XG: variants seen among roughly 807,000 people sequenced by gnomAD.
XG encodes the protein glycoprotein Xg.
Under a neutral mutation model 25.7 loss-of-function variants are expected in XG, and 24 were observed. That is an observed-to-expected ratio of 0.93 (90% CI 0.68 to 1.31). The LOEUF is 1.31. Among genes scored for constraint, XG ranks in the 40% most tolerant of loss-of-function variants. The probability of loss-of-function intolerance (pLI) is 0.00; values close to 1 mark genes in which losing one functional copy is unlikely to be tolerated. For missense variants in XG, 181 were observed against 187.6 expected (o/e 0.96, Z 0.21); for synonymous variants, 77 against 69.2 (o/e 1.11, Z -0.56).
intron 1 of XG, among the ~76,000 whole-genome samples, chrX:2,763,490 G>A (rs903861000): frequency 6.6e-6 from 1 of 151,326 alleles, no homozygotes; most frequent in African/African-American, 2.4e-5. Context: ...TGGGAGGGGG[G>A]TGGAAGGGGG....
intron 2 of XG, among the ~76,000 whole-genome samples, chrX:2,771,329 C>T (rs1304427510): frequency 6.6e-6 from 1 of 152,178 alleles, no homozygotes; most frequent in Non-Finnish European, 1.5e-5. Context: ...CCAGAGCACA[C>T]TTCATTCCGT....
At chrX:2,802,393 G>C (rs1245410509) in intron 7 of XG, among the ~76,000 whole-genome samples, 2 of 111,294 alleles carry the variant, frequency 1.8e-5, no homozygotes, top group Admixed American at 9.6e-5. Flanking sequence ...CTGGCCTCAA[G>C]TGTTTCTCCG....
intron 2 of XG, among the ~76,000 whole-genome samples, chrX:2,772,004 G>T (rs2050829204): frequency 6.6e-6 from 1 of 152,154 alleles, no homozygotes; most frequent in Non-Finnish European, 1.5e-5. Context: ...GTGTGTGGTT[G>T]CAACCACTTT....
chrX:2,808,840 C>G (rs1385652539), intron 9 of XG, among the ~76,000 whole-genome samples: 1 of 111,657 alleles, frequency 9.0e-6, no homozygotes, highest in Non-Finnish European at 1.9e-5. Flanking sequence ...AAGGTGACCT[C>G]TACCTTTCAA....
At chrX:2,805,626 A>C (rs1042527789) in intron 7 of XG, among the ~76,000 whole-genome samples, 2 of 109,582 alleles carry the variant, frequency 1.8e-5, no homozygotes, top group Non-Finnish European at 3.8e-5. Flanking sequence ...GTCCAAGATC[A>C]AGGTGTGAGC....
chrX:2,801,743 C>T (rs935987837), intron 7 of XG, among the ~76,000 whole-genome samples: 1 of 110,768 alleles, frequency 9.0e-6, no homozygotes, highest in Non-Finnish European at 1.9e-5. Context: ...GAGTCTCGCT[C>T]TGTCGCCCAG....
At chrX:2,754,652 A>G (rs2050397746) in intron 1 of XG, among the ~76,000 whole-genome samples, 1 of 152,204 alleles carries the variant, frequency 6.6e-6, no homozygotes, top group South Asian at 2.1e-4. Context: ...AGGAGCAAGG[A>G]GAGCCAGTCC....
At chrX:2,755,803 C>T (rs2050421955) in intron 1 of XG, among the ~76,000 whole-genome samples, 1 of 152,076 alleles carries the variant, frequency 6.6e-6, no homozygotes, top group Non-Finnish European at 1.5e-5. Flanking sequence ...TGTTTCATCC[C>T]CAGCCATCAC....
intron 1 of XG, among the ~76,000 whole-genome samples, chrX:2,755,793 T>C (rs1374642103): frequency 6.6e-6 from 1 of 152,108 alleles, no homozygotes; most frequent in Non-Finnish European, 1.5e-5. Context: ...CAGACGACCC[T>C]GTTTCATCCC....
At chrX:2,762,517 G>A (rs2050587824) in intron 1 of XG, among the ~76,000 whole-genome samples, 1 of 151,986 alleles carries the variant, frequency 6.6e-6, no homozygotes, top group Non-Finnish European at 1.5e-5. Flanking sequence ...GGAGTCCCTG[G>A]ATATTCATGT....
chrX:2,776,085 C>T (rs1447718544), intron 3 of XG, among the ~76,000 whole-genome samples: 2 of 152,044 alleles, frequency 1.3e-5, no homozygotes, highest in Admixed American at 6.6e-5. Context: ...GTCAGGAGAT[C>T]GAGACCATCC....
intron 1 of XG, among the ~76,000 whole-genome samples, chrX:2,757,231 C>T (rs1013212620): frequency 6.6e-6 from 1 of 152,016 alleles, no homozygotes; most frequent in Non-Finnish European, 1.5e-5. Flanking sequence ...CTCTTTGGTT[C>T]CTCACCTTTT....
At chrX:2,776,018 A>G (rs866690112) in intron 3 of XG, among the ~76,000 whole-genome samples, 7 of 151,342 alleles carry the variant, frequency 4.6e-5, no homozygotes, top group South Asian at 4.2e-4. Context: ...GGCCGGGCGC[A>G]GTGGCTCACG....
chrX:2,767,196 C>T (rs2050719224), intron 1 of XG, among the ~76,000 whole-genome samples: 1 of 152,070 alleles, frequency 6.6e-6, no homozygotes, highest in African/African-American at 2.4e-5. Flanking sequence ...TTGAATCCGG[C>T]AGGGGTGGAA....
intron 1 of XG, among the ~76,000 whole-genome samples, chrX:2,755,043 T>C (rs1300984609): frequency 2.6e-5 from 4 of 152,158 alleles, no homozygotes; most frequent in Non-Finnish European, 5.9e-5. Flanking sequence ...CTGGGAAGAC[T>C]CCAGTGAGCA....
In XG at chrX:2,814,668, G is replaced by T; in HGVS notation, c.*288G>T. On this transcript the variant is annotated 3_prime_UTR_variant, in exon 11 of 11. Coordinates refer to ENST00000644266, the MANE Select transcript of XG (RefSeq NM_001141919.2). ...AAGAGACTGTGGCTCTCTGTTGTGAGATCTTCAGCTACCTCATGGTGCAAT... is the reference window on the plus strand; with the variant it reads ...AAGAGACTGTGGCTCTCTGTTGTGATATCTTCAGCTACCTCATGGTGCAAT... 3.5e-6 allele frequency: 1 copy of T among 286,110 alleles called. No homozygotes were observed. Among genetic ancestry groups the T allele is most frequent in the Non-Finnish European group, 6.0e-6 (1 of 165,476 alleles). 23.6% of individuals were successfully genotyped at this position (286,110 alleles called of 1,213,427 possible). A position where few individuals can be genotyped will look rare whatever the true frequency, so the allele number is the denominator to read the frequency against.
chrX:2,769,013 C>A (rs1267058418), intron 1 of XG, among the ~76,000 whole-genome samples: 2 of 152,144 alleles, frequency 1.3e-5, no homozygotes, highest in African/African-American at 4.8e-5. Flanking sequence ...GCTGTGTGCA[C>A]CCTGGGCTCA....
At chrX:2,776,005 C>T (rs1282932605) in intron 3 of XG, among the ~76,000 whole-genome samples, 1 of 151,192 alleles carries the variant, frequency 6.6e-6, no homozygotes, top group Admixed American at 6.6e-5. Context: ...AAATAATTCC[C>T]GGGGCCGGGC....
intron 10 of XG, among the ~76,000 whole-genome samples, chrX:2,811,898 C>T (rs755527042): frequency 9.0e-6 from 1 of 111,501 alleles, no homozygotes; most frequent in Non-Finnish European, 1.9e-5. Flanking sequence ...GCCTGGCCAA[C>T]AATTGGGTTT....
Sources: allele counts gnomAD v4.1 joint callset (sites outside exome capture counted in the v4.1 genomes callset), GRCh38; gene constraint gnomAD v4.1.1; transcripts MANE v1.5; gene names NCBI Gene and HGNC (gene_info 2026-07-23, HGNC 2026-07-21).